Variants in DCDC2 observed in about 807,000 individuals in gnomAD.
DCDC2 encodes doublecortin domain-containing protein 2.
DCDC2 carries 40 observed loss-of-function variants against 50.2 expected under a neutral mutation model. The ratio of observed to expected loss-of-function variants is 0.80; its 90% CI spans 0.62 to 1.04. The LOEUF is 1.04. DCDC2 is among the 50% of genes least tolerant of loss of function. The pLI is 0.00. For missense variants in DCDC2, 570 were observed against 581.9 expected (o/e 0.98, Z 0.21); for synonymous variants, 234 against 210.6 (o/e 1.11, Z -0.96).
upstream of DCDC2, among the ~76,000 whole-genome samples, chr6:24,359,530 TA>T (rs1461089551): frequency 3.0e-3 from 322 of 106,624 alleles, no homozygotes; most frequent in Non-Finnish European, 4.6e-3. Context: ...ATTTTATATA[TA>T]TTTTTTATAT....
At chr6:24,343,001 A>G (rs1401235650) in intron 2 of DCDC2, among the ~76,000 whole-genome samples, 1 of 149,862 alleles carries the variant, frequency 6.7e-6, no homozygotes, top group Non-Finnish European at 1.5e-5. Context: ...GAGTCTTTTT[A>G]TATCTGCAGG....
At chr6:24,194,324 T>A (rs1761378911) in intron 8 of DCDC2, among the ~76,000 whole-genome samples, 1 of 152,162 alleles carries the variant, frequency 6.6e-6, no homozygotes, top group Non-Finnish European at 1.5e-5. Flanking sequence ...AAAAATTATT[T>A]TACTGTTTTA....
At chr6:24,207,058 A>G (rs1477777105) in intron 7 of DCDC2, among the ~76,000 whole-genome samples, 1 of 152,206 alleles carries the variant, frequency 6.6e-6, no homozygotes, top group African/African-American at 2.4e-5. Flanking sequence ...TTTACCATAA[A>G]CATTATATAA....
chr6:24,359,494 T>G (rs868075423), upstream of DCDC2, among the ~76,000 whole-genome samples: 633 of 94,882 alleles, frequency 6.7e-3, 13 homozygotes, highest in Middle Eastern at 9.3e-3. Context: ...ATATAATATA[T>G]TATATATATT....
intron 2 of DCDC2, among the ~76,000 whole-genome samples, chr6:24,306,374 G>C (rs1759473097): frequency 6.6e-6 from 1 of 152,096 alleles, no homozygotes; most frequent in African/African-American, 2.4e-5. Flanking sequence ...ACATTGTCTT[G>C]AAAAACCAAA....
chr6:24,279,899 G>A (rs1034003406), intron 6 of DCDC2, among the ~76,000 whole-genome samples: 1 of 152,212 alleles, frequency 6.6e-6, no homozygotes. Flanking sequence ...AGTACAGTGC[G>A]TGATGTATGG....
chr6:24,332,623 C>T (rs143518736), intron 2 of DCDC2, among the ~76,000 whole-genome samples: 651 of 152,246 alleles, frequency 4.3e-3, no homozygotes, highest in Non-Finnish European at 6.8e-3. Context: ...CATAGTTTTA[C>T]GGTACTAAGT....
intron 8 of DCDC2, among the ~76,000 whole-genome samples, chr6:24,203,524 A>C (rs1288469698): frequency 2.6e-5 from 4 of 152,222 alleles, no homozygotes; most frequent in Non-Finnish European, 5.9e-5. Context: ...ACCTAAAACC[A>C]TAAAAACCCT....
In DCDC2 at chr6:24,267,908, A is replaced by AT. The variant is rs1763158823; in HGVS notation, c.922+10140dup. On this transcript the variant is annotated intron_variant, in intron 7 of 9. Coordinates refer to ENST00000378454, the MANE Select transcript of DCDC2 (RefSeq NM_016356.5). ...ATCACACAAAAAGATGTCTGACTTA[A>AT]TTTTCATCAGAAATTCCCCAAGCCC... Among the ~76,000 whole-genome samples, 6 of 152,162 alleles carry AT rather than the reference A, an allele frequency of 3.9e-5. No individual in the cohort carries two copies. The South Asian group carries it at 1.0e-3, about 26-fold the overall frequency.
chr6:24,363,850 G>A, the DCDC2 span, among the ~76,000 whole-genome samples: 1 of 152,126 alleles, frequency 6.6e-6, no homozygotes, highest in Non-Finnish European at 1.5e-5. Context: ...CTGAAAGGTC[G>A]CTGAAAACAC....
chr6:24,210,192 T>C (rs957751689), intron 7 of DCDC2, among the ~76,000 whole-genome samples: 1 of 151,226 alleles, frequency 6.6e-6, no homozygotes, highest in African/African-American at 2.4e-5. Context: ...CAGAGCTGCA[T>C]TGTGGATCAG....
chr6:24,285,507 CAG>C (rs2113825714), intron 6 of DCDC2, among the ~76,000 whole-genome samples: 1 of 152,228 alleles, frequency 6.6e-6, no homozygotes, highest in East Asian at 1.9e-4. Context: ...CCACGAGTAT[CAG>C]AGAGAGCATC....
chr6:24,267,459 AAAAC>A (rs1046232735), intron 7 of DCDC2, among the ~76,000 whole-genome samples: 47 of 152,322 alleles, frequency 3.1e-4, no homozygotes, highest in African/African-American at 1.0e-3. Flanking sequence ...AATTAAAAAT[AAAAC>A]AAAACAAAAA....
intron 2 of DCDC2, among the ~76,000 whole-genome samples, chr6:24,349,160 C>A (rs898470893): frequency 2.6e-5 from 4 of 152,188 alleles, no homozygotes; most frequent in Non-Finnish European, 2.9e-5. Context: ...CAGAAGGACG[C>A]TTCCATTTGA....
At chr6:24,327,634 C>T (rs1262921241) in intron 2 of DCDC2, among the ~76,000 whole-genome samples, 1 of 151,722 alleles carries the variant, frequency 6.6e-6, no homozygotes, top group Non-Finnish European at 1.5e-5. Flanking sequence ...CCACCACACC[C>T]GGCTAATTTT....
chr6:24,279,867 T>C (rs1763434450), intron 6 of DCDC2, among the ~76,000 whole-genome samples: 1 of 152,224 alleles, frequency 6.6e-6, no homozygotes, highest in South Asian at 2.1e-4. Flanking sequence ...GAGGATGCAA[T>C]GATAAGGCTT....
At chr6:24,381,853 AGGAAGG>A in the DCDC2 span, among the ~76,000 whole-genome samples, 9 of 134,778 alleles carry the variant, frequency 6.7e-5, no homozygotes, top group Non-Finnish European at 1.1e-4. Flanking sequence ...GAAGGAAGGA[AGGAAGG>A]AGAAATAAAA....
chr6:24,207,523 G>A (rs1647868798), intron 7 of DCDC2, among the ~76,000 whole-genome samples: 1 of 152,092 alleles, frequency 6.6e-6, no homozygotes, highest in African/African-American at 2.4e-5. Flanking sequence ...TCTGATTGAT[G>A]GGTAAATATG....
chr6:24,242,609 G>C (rs1345006200), intron 7 of DCDC2, among the ~76,000 whole-genome samples: 4 of 152,148 alleles, frequency 2.6e-5, no homozygotes, highest in South Asian at 2.1e-4. Context: ...AGCTTGCCGA[G>C]GACAGACTGT....
Sources: allele counts gnomAD v4.1 joint callset (sites outside exome capture counted in the v4.1 genomes callset), GRCh38; gene constraint gnomAD v4.1.1; transcripts MANE v1.5; gene names NCBI Gene and HGNC (gene_info 2026-07-23, HGNC 2026-07-21).